IL12RB1: variants seen among roughly 807,000 people sequenced by gnomAD.
IL12RB1 encodes interleukin-12 receptor subunit beta-1.
A neutral mutation model predicts 94.4 loss-of-function variants in IL12RB1; 64 were observed. The ratio of observed to expected loss-of-function variants is 0.68; its 90% confidence interval spans 0.55 to 0.83. IL12RB1 has a LOEUF of 0.83. IL12RB1 is among the 40% of genes least tolerant of loss of function. The probability of loss-of-function intolerance (pLI) is 0.00; values close to 1 mark genes in which losing one functional copy is unlikely to be tolerated. For missense variants in IL12RB1, 814 were observed against 855.6 expected, an observed-to-expected ratio of 0.95 and a Z score of 0.61; for synonymous variants, 362 against 355.5, an observed-to-expected ratio of 1.02 and a Z score of -0.21.
In IL12RB1 at chr19:18,066,744, A is replaced by C. The variant is rs370656555; in HGVS notation, c.1328-47T>G. The C allele has an allele frequency of 1.8e-4, 279 of 1,557,580 alleles. 1 individual carries two copies. In the Middle Eastern group the frequency reaches 3.4e-3, roughly 19 times the overall value. ...TAGTCAACACCAAGAATGCTGGTCG[A>C]GGCCTGGCACAGTGGCTCGCACCTG... is the stretch of plus-strand genomic sequence containing the variant. On this transcript the variant is annotated intron_variant, in intron 11 of 16. Transcript: ENST00000593993.
intron 12 of IL12RB1, among the ~76,000 whole-genome samples, chr19:18,064,476 AT>A (rs11304356): frequency 0.42 from 53,142 of 128,042 alleles, 11,380 homozygotes; most frequent in Middle Eastern, 0.54. Context: ...TCATCTCAAG[AT>A]TTTTTTTTTT....
intron 16 of IL12RB1, 99 bp downstream of exon 16, chr19:18,059,795 C>G (rs1017464476): frequency 2.7e-6 from 2 of 752,426 alleles, no homozygotes; most frequent in Admixed American, 4.0e-5. Context: ...CTCCCTCAGG[C>G]CTCCAGGCCC....
chr19:18,073,642 A>G lies in IL12RB1; in HGVS notation c.701-43T>C, dbSNP rs752267121. 7.1e-6 allele frequency: 8 copies of G among 1,122,520 alleles called. No homozygotes were observed. In the South Asian group the frequency reaches 1.0e-4, roughly 14 times the overall value. 69.5% of individuals were successfully genotyped at this position (1,122,520 alleles called of 1,614,324 possible). On this transcript the variant is annotated intron_variant, in intron 7 of 16. Transcript: ENST00000593993. ...CCAACTAGACGAATTGGAAGGAGAG[A>G]AAGACTGATGGATGTTTTCTTTGTA...
intron 11 of IL12RB1, 143 bp from the exon 12 acceptor site, chr19:18,066,840 A>G: frequency 1.5e-6 from 1 of 646,092 alleles, no homozygotes; most frequent in East Asian, 2.7e-5. Flanking sequence ...CAGCCTGGCC[A>G]ACATGGCAAA....
intron 9 of IL12RB1, among the ~76,000 whole-genome samples, chr19:18,069,938 C>T (rs1192162428): frequency 2.0e-5 from 3 of 151,910 alleles, no homozygotes; most frequent in East Asian, 1.9e-4. Flanking sequence ...TCTTTGGAGA[C>T]GGATTCTTGC....
intron 12 of IL12RB1, among the ~76,000 whole-genome samples, chr19:18,064,774 G>A (rs2034454441): frequency 6.6e-6 from 1 of 152,056 alleles, no homozygotes; most frequent in Admixed American, 6.6e-5. Context: ...GCGTCCGGCT[G>A]ACTTGTTGGA....
chr19:18,078,878 T>C (rs1599536617), intron 4 of IL12RB1, among the ~76,000 whole-genome samples: 1 of 152,136 alleles, frequency 6.6e-6, no homozygotes, highest in East Asian at 1.9e-4. Flanking sequence ...TACATATCCA[T>C]AGTGAAATGA....
chr19:18,085,990 T>G (rs1162197289), intron 1 of IL12RB1, among the ~76,000 whole-genome samples: 2 of 151,304 alleles, frequency 1.3e-5, no homozygotes. Context: ...CCAAGGTGAG[T>G]GGATCATTTG....
At chr19:18,075,955 C>T (rs2035443100) in intron 6 of IL12RB1, 87 bp from the exon 7 acceptor site, 1 of 1,339,826 alleles carries the variant, frequency 7.5e-7, no homozygotes, top group Admixed American at 1.7e-5. Context: ...TTATTGAGCT[C>T]CAACTGTGTA....
intron 9 of IL12RB1, 123 bp downstream of exon 9, chr19:18,071,989 C>T (rs1344546668): frequency 2.2e-5 from 16 of 727,050 alleles, no homozygotes; most frequent in Non-Finnish European, 3.7e-5. Flanking sequence ...TGATACACCC[C>T]TAAATCAGGC....
At chr19:18,066,732 G>T in intron 11 of IL12RB1, 35 bp from the exon 12 acceptor site, 2 of 1,585,150 alleles carry the variant, frequency 1.3e-6, no homozygotes, top group Non-Finnish European at 1.7e-6. Flanking sequence ...TCAACACCAA[G>T]AATGCTGGTC....
upstream of IL12RB1, among the ~76,000 whole-genome samples, chr19:18,087,652 A>G (rs1373623109): frequency 1.3e-5 from 2 of 150,992 alleles, no homozygotes; most frequent in African/African-American, 4.9e-5. Context: ...AGGAACTGGG[A>G]CTACAGGCAT....
chr19:18,063,976 G>A lies in IL12RB1; in HGVS notation c.1518C>T (p.Thr506=). 6.2e-7 allele frequency: 1 copy of A among 1,612,236 alleles called. No individual in the cohort carries two copies. Among genetic ancestry groups the A allele is most frequent in the Non-Finnish European group, 8.5e-7 (1 of 1,178,498 alleles). ...CTACACCAGCCCGCAGGCCACTGAGGGTAACTTGGGTCTCTGTGGGCTGCA... is the reference window on the plus strand; with the variant it reads ...CTACACCAGCCCGCAGGCCACTGAGAGTAACTTGGGTCTCTGTGGGCTGCA... The part of the protein sequence containing the change: ...HPVQPTETQV[T]LSGLRAGVAY... The change falls in exon 13 of 17, where the codon ACC becomes ACT. Residue 506 remains threonine, a synonymous_variant. Coordinates refer to ENST00000593993, the MANE Select transcript of IL12RB1 (RefSeq NM_005535.3).
rs774673380 is a variant in IL12RB1 at position 18,073,596 on chromosome 19, T to C, written c.704A>G (p.Asn235Ser). 1.5e-5 allele frequency: 24 copies of C among 1,600,414 alleles called. No individual in the cohort carries two copies. The highest frequency in any genetic ancestry group is 2.0e-5 in the Non-Finnish European group (24 of 1,172,202). ...WSSPVCVPPE[N>S]PPQPQVRFSV... ...GAATCTCACCTGAGGCTGTGGGGGG[T>C]TTTCTGCAATCAGAACCAAACCAAC... The change falls in exon 8 of 17, where the codon AAC becomes AGC. Residue 235 changes from asparagine to serine, a missense_variant. Coordinates refer to ENST00000593993, the MANE Select transcript of IL12RB1 (RefSeq NM_005535.3).
At chr19:18,077,379 AAG>A in intron 5 of IL12RB1, 135 bp downstream of exon 5, 2 of 710,800 alleles carry the variant, frequency 2.8e-6, no homozygotes, top group South Asian at 3.3e-5. Context: ...AAAAAAGAAA[AAG>A]AAAAAAACCA....
At chr19:18,088,960 G>A (rs1045165157), upstream of IL12RB1, among the ~76,000 whole-genome samples, 6 of 151,762 alleles carry the variant, frequency 4.0e-5, no homozygotes, top group African/African-American at 1.5e-4. Context: ...GAACCTGGGA[G>A]GTAGAGGTTG....
chr19:18,067,658 C>A (rs988735271), intron 11 of IL12RB1, among the ~76,000 whole-genome samples: 3 of 152,104 alleles, frequency 2.0e-5, no homozygotes, highest in Non-Finnish European at 2.9e-5. Flanking sequence ...AAAAAATTAT[C>A]CAGGCATGGT....
intron 12 of IL12RB1, among the ~76,000 whole-genome samples, chr19:18,065,259 T>TC (rs1469277751): frequency 1.3e-5 from 2 of 151,900 alleles, no homozygotes; most frequent in East Asian, 1.9e-4. Context: ...CCTCATCAGA[T>TC]CCCCCCTCCA....
intron 1 of IL12RB1, among the ~76,000 whole-genome samples, chr19:18,086,320 A>G (rs1271447881): frequency 6.6e-6 from 1 of 152,120 alleles, no homozygotes; most frequent in Non-Finnish European, 1.5e-5. Context: ...ATACTTTACC[A>G]TTTTATATCA....
Sources: allele counts gnomAD v4.1 joint callset (sites outside exome capture counted in the v4.1 genomes callset), GRCh38; gene constraint gnomAD v4.1.1; transcripts MANE v1.5; gene names NCBI Gene and HGNC (gene_info 2026-07-23, HGNC 2026-07-21).